ATXN8OS: variants seen among roughly 807,000 people sequenced by gnomAD.
ATXN8OS encodes the protein ATXN8 opposite strand (non-protein coding).
In ATXN8OS at chr13:70,164,174, C is replaced by A. The variant is rs189136376; in HGVS notation, n.574-5579C>A. ...TATTCTGTCACTTATTTCCCAATTA[C>A]CATTATCATTTTTTCCCATTCTAAC... is the stretch of plus-strand genomic sequence containing the variant. On this transcript the variant is annotated intron_variant and non_coding_transcript_variant, in intron 4 of 4. Transcript: ENST00000678624. Among the ~76,000 whole-genome samples the A allele has an allele frequency of 8.6e-5, 13 of 150,376 alleles. 1 individual carries two copies. The highest frequency in any genetic ancestry group is 1.9e-4 in the Non-Finnish European group (13 of 67,494).
chr13:70,167,893 T>C (rs566440113), intron 4 of ATXN8OS, among the ~76,000 whole-genome samples: 1 of 151,626 alleles, frequency 6.6e-6, no homozygotes, highest in Non-Finnish European at 1.5e-5. Flanking sequence ...GTGCCGCCAC[T>C]CCTGACTAAT....
chr13:70,171,038 C>T (rs1477388407), exon 5 of ATXN8OS, among the ~76,000 whole-genome samples: 1 of 151,988 alleles, frequency 6.6e-6, no homozygotes, highest in Non-Finnish European at 1.5e-5. Flanking sequence ...AAAGAAGAGC[C>T]TTATACAAAT....
intron 3 of ATXN8OS, among the ~76,000 whole-genome samples, chr13:70,142,217 T>G (rs1019688471): frequency 5.9e-5 from 9 of 152,202 alleles, no homozygotes; most frequent in Non-Finnish European, 1.3e-4. Flanking sequence ...TGGGTATTTG[T>G]GTGTTTCTAG....
At chr13:70,131,654 T>G (rs1566601012) in intron 3 of ATXN8OS, 1 of 396,218 alleles carries the variant, frequency 2.5e-6, no homozygotes, top group Non-Finnish European at 4.4e-6. Context: ...CCTTTTCTCA[T>G]GGAGACATTC....
intron 4 of ATXN8OS, among the ~76,000 whole-genome samples, chr13:70,153,648 G>C (rs977266714): frequency 1.3e-5 from 2 of 152,056 alleles, no homozygotes; most frequent in African/African-American, 4.8e-5. Context: ...CAATATGTAT[G>C]AACTACTCTT....
chr13:70,143,682 T>C lies in ATXN8OS; in HGVS notation n.500-3673T>C, dbSNP rs1360866689. 3.3e-5 allele frequency among the ~76,000 whole-genome samples: 5 copies of C among 152,264 alleles called. No individual in the cohort carries two copies. The East Asian group carries it at 9.7e-4, about 29-fold the overall frequency. ...GTTTTATATTTTCTGCACATAAATG[T>C]TTTTTACTATATTGCAGCAAATCTA... is the stretch of plus-strand genomic sequence containing the variant. On this transcript the variant is annotated intron_variant and non_coding_transcript_variant, in intron 3 of 4. Coordinates refer to ENST00000678624, the Ensembl canonical transcript of ATXN8OS.
intron 4 of ATXN8OS, among the ~76,000 whole-genome samples, chr13:70,150,146 C>CAT (rs924119237): frequency 6.6e-6 from 1 of 152,068 alleles, no homozygotes; most frequent in Admixed American, 6.6e-5. Context: ...AGAGCAGAAC[C>CAT]ATTCTTGCCA....
intron 4 of ATXN8OS, among the ~76,000 whole-genome samples, chr13:70,152,477 ATATAT>A (rs990431005): frequency 6.6e-6 from 1 of 151,194 alleles, no homozygotes; most frequent in Non-Finnish European, 1.5e-5. Flanking sequence ...GTATACACAT[ATATAT>A]ACACACACGT....
intron 4 of ATXN8OS, among the ~76,000 whole-genome samples, chr13:70,154,582 G>A (rs76292586): frequency 2.6e-5 from 4 of 152,110 alleles, no homozygotes; most frequent in Non-Finnish European, 4.4e-5. Flanking sequence ...AGTGAAATAA[G>A]TTGTCCTGTA....
chr13:70,123,574 T>C (rs1009414072), intron 2 of ATXN8OS, among the ~76,000 whole-genome samples: 1 of 152,034 alleles, frequency 6.6e-6, no homozygotes, highest in Non-Finnish European at 1.5e-5. Context: ...TTAGAAAAGA[T>C]CTGAAAATAC....
chr13:70,164,590 G>C (rs1331134405), intron 4 of ATXN8OS, among the ~76,000 whole-genome samples: 1 of 152,044 alleles, frequency 6.6e-6, no homozygotes, highest in South Asian at 2.1e-4. Flanking sequence ...CTGAGCATAA[G>C]TGAAGGATAA....
At chr13:70,145,787 T>G (rs1888776372) in intron 3 of ATXN8OS, among the ~76,000 whole-genome samples, 1 of 152,108 alleles carries the variant, frequency 6.6e-6, no homozygotes, top group South Asian at 2.1e-4. Flanking sequence ...TACAATCATG[T>G]CATCTGCAAA....
chr13:70,127,041 C>T (rs1463362859), intron 2 of ATXN8OS, among the ~76,000 whole-genome samples: 1 of 151,856 alleles, frequency 6.6e-6, no homozygotes, highest in Non-Finnish European at 1.5e-5. Flanking sequence ...AGCTCTGTCA[C>T]TCTATCTCTC....
intron 3 of ATXN8OS, among the ~76,000 whole-genome samples, chr13:70,141,580 A>G (rs936020475): frequency 1.3e-5 from 2 of 152,130 alleles, no homozygotes; most frequent in Non-Finnish European, 2.9e-5. Flanking sequence ...AAATTTATAT[A>G]TACAAATATG....
At chr13:70,156,727 T>A (rs1888942303) in intron 4 of ATXN8OS, among the ~76,000 whole-genome samples, 3 of 152,160 alleles carry the variant, frequency 2.0e-5, no homozygotes, top group Admixed American at 2.0e-4. Context: ...ACTATCCTGA[T>A]AAGTGAAGCA....
chr13:70,171,060 G>A (rs1239714800), exon 5 of ATXN8OS, among the ~76,000 whole-genome samples: 1 of 152,132 alleles, frequency 6.6e-6, no homozygotes, highest in East Asian at 1.9e-4. Flanking sequence ...AAATTTAACA[G>A]AGTTTAATTG....
intron 2 of ATXN8OS, among the ~76,000 whole-genome samples, chr13:70,115,803 A>G: frequency 6.6e-6 from 1 of 152,120 alleles, no homozygotes; most frequent in East Asian, 1.9e-4. Context: ...GTGGTTCTAC[A>G]ATTATTTAGT....
At chr13:70,155,096 C>T (rs567262295) in intron 4 of ATXN8OS, among the ~76,000 whole-genome samples, 1 of 152,272 alleles carries the variant, frequency 6.6e-6, no homozygotes, top group East Asian at 1.9e-4. Context: ...GGCCTGAGTG[C>T]ATTCAATAAA....
At chr13:70,153,754 A>G (rs1888901884) in intron 4 of ATXN8OS, among the ~76,000 whole-genome samples, 1 of 151,998 alleles carries the variant, frequency 6.6e-6, no homozygotes, top group African/African-American at 2.4e-5. Flanking sequence ...GTCACAGCTC[A>G]CTGCAGCCTT....
Sources: allele counts gnomAD v4.1 joint callset (sites outside exome capture counted in the v4.1 genomes callset), GRCh38; gene constraint gnomAD v4.1.1; transcripts MANE v1.5; gene names NCBI Gene and HGNC (gene_info 2026-07-23, HGNC 2026-07-21).